Variants in CDH13 observed in about 807,000 individuals in gnomAD.
CDH13 encodes the protein cadherin 13, also known as cadherin-13.
Under a neutral mutation model 63.8 loss-of-function variants are expected in CDH13, and 24 were observed. The observed-to-expected ratio is 0.38, with a 90% CI of 0.27 to 0.53. CDH13 has a LOEUF of 0.53. Among genes scored for constraint, CDH13 ranks in the 20% least tolerant of loss-of-function variants. The pLI is 0.85. For missense variants in CDH13, 1,049 were observed against 903.1 expected (o/e 1.16, Z -2.07); for synonymous variants, 503 against 355.3 (o/e 1.42, Z -4.67).
chr16:83,327,870 C>T (rs546867974), intron 5 of CDH13, among the ~76,000 whole-genome samples: 141 of 152,320 alleles, frequency 9.3e-4, no homozygotes, highest in African/African-American at 3.3e-3. Flanking sequence ...CAGTGGCTTA[C>T]GCCTGTAATC....
intron 1 of CDH13, chr16:82,639,384 A>T (rs750845699): frequency 6.5e-7 from 1 of 1,535,472 alleles, no homozygotes; most frequent in Non-Finnish European, 8.7e-7. Flanking sequence ...CCTGCACTGC[A>T]TGGTTCCCCC....
intron 4 of CDH13, among the ~76,000 whole-genome samples, chr16:83,125,924 C>A (rs982433530): frequency 6.6e-6 from 1 of 152,064 alleles, no homozygotes; most frequent in African/African-American, 2.4e-5. Context: ...AAAAACTAAA[C>A]CAGATCAAGG....
At chr16:83,046,081 C>A (rs188339188) in intron 3 of CDH13, among the ~76,000 whole-genome samples, 1 of 152,154 alleles carries the variant, frequency 6.6e-6, no homozygotes, top group Non-Finnish European at 1.5e-5. Flanking sequence ...TTAAGCAAAG[C>A]CAAGTCTAGT....
intron 3 of CDH13, among the ~76,000 whole-genome samples, chr16:83,091,315 T>C (rs960905487): frequency 1.3e-5 from 2 of 152,228 alleles, no homozygotes; most frequent in East Asian, 1.9e-4. Flanking sequence ...CTACTTTATG[T>C]TGAATTATTT....
At chr16:83,589,278 T>TCCCC (rs61578149) in intron 7 of CDH13, among the ~76,000 whole-genome samples, 32 of 71,336 alleles carry the variant, frequency 4.5e-4, no homozygotes, top group Non-Finnish European at 5.2e-4. Context: ...TTTCTCCCTT[T>TCCCC]CCCCCCCCCG....
intron 3 of CDH13, among the ~76,000 whole-genome samples, chr16:83,120,428 T>C (rs534397514): frequency 4.7e-4 from 72 of 152,176 alleles, no homozygotes; most frequent in Non-Finnish European, 8.1e-4. Context: ...TGACACTCTA[T>C]GCAAGGTTCA....
At chr16:83,469,463 C>T (rs1484181701) in intron 6 of CDH13, among the ~76,000 whole-genome samples, 2 of 152,176 alleles carry the variant, frequency 1.3e-5, no homozygotes, top group Non-Finnish European at 2.9e-5. Flanking sequence ...CATATTGAGG[C>T]TGGCCCCACC....
At position 83,295,306 on chromosome 16, in the gene CDH13, A is replaced by G. The variant is rs1232066506; in HGVS notation, c.637-49556A>G. 3.9e-5 allele frequency among the ~76,000 whole-genome samples: 6 copies of G among 152,206 alleles called. No homozygotes were observed. In the East Asian group the frequency reaches 9.6e-4, roughly 24 times the overall value. On this transcript the variant is annotated intron_variant, in intron 5 of 13. Transcript: ENST00000567109. ...AGAAAACATAGGGAAAAGTTCCATGACATTGGTCTAGGCAAGGATTTTTTG... is the reference window on the plus strand; with the variant it reads ...AGAAAACATAGGGAAAAGTTCCATGGCATTGGTCTAGGCAAGGATTTTTTG...
At chr16:83,375,759 A>C (rs565560132) in intron 6 of CDH13, among the ~76,000 whole-genome samples, 1 of 152,284 alleles carries the variant, frequency 6.6e-6, no homozygotes, top group South Asian at 2.1e-4. Context: ...ATAGCATGAG[A>C]AGCTTGTTGC....
rs34536219 is a variant in CDH13, at chr16:83,077,186, C to CTTTTTTTTTTTTTTTTTTT, written c.366+44974_366+44992dup. 4.6e-3 allele frequency among the ~76,000 whole-genome samples: 274 copies of CTTTTTTTTTTTTTTTTTTT among 59,210 alleles called. 7 individuals are homozygous for CTTTTTTTTTTTTTTTTTTT. Among genetic ancestry groups the CTTTTTTTTTTTTTTTTTTT allele is most frequent in the East Asian group, 5.9e-3 (10 of 1,684 alleles). The allele number at this position is 59,210 out of a possible 152,430, so 38.8% of individuals were successfully genotyped here. ...TCTTTTCTTTTCTTTTTTTTCTTTTCTTTTTTTTTTTTTTTTTTTTTTTTG... is the reference window on the plus strand; with the variant it reads ...TCTTTTCTTTTCTTTTTTTTCTTTTCTTTTTTTTTTTTTTTTTTTTTTTTTTTTTTTTTTTTTTTTTTTG... On this transcript the variant is annotated intron_variant, in intron 3 of 13. Transcript: ENST00000567109.
intron 12 of CDH13, among the ~76,000 whole-genome samples, chr16:83,782,384 C>T (rs1438748087): frequency 6.6e-6 from 1 of 152,088 alleles, no homozygotes; most frequent in African/African-American, 2.4e-5. Flanking sequence ...AAGATCCAGT[C>T]TCTATGTTGC....
intron 1 of CDH13, among the ~76,000 whole-genome samples, chr16:82,749,792 C>T (rs1267849388): frequency 6.6e-6 from 1 of 152,144 alleles, no homozygotes; most frequent in Non-Finnish European, 1.5e-5. Flanking sequence ...TTCTTTGCCT[C>T]CCTCATTTTC....
Position 82,802,612 on chromosome 16 carries a change from A to G in CDH13, c.46-55750A>G, listed in dbSNP as rs1018059991. Among the ~76,000 whole-genome samples the G allele has an allele frequency of 2.7e-4, 41 of 152,168 alleles. 1 individual carries two copies. The highest frequency in any genetic ancestry group is 9.2e-4 in the African/African-American group (38 of 41,450). The stretch of plus-strand genomic sequence containing the variant: ...CCCAGGGTTCATACTCTGGGGCTTC[A>G]TGCCCTTTTCCTATTCTTTGTCTCC... On this transcript the variant is annotated intron_variant, in intron 1 of 13. Coordinates refer to ENST00000567109, the MANE Select transcript of CDH13 (RefSeq NM_001257.5).
chr16:83,586,253 G>A (rs1007844136), intron 7 of CDH13, among the ~76,000 whole-genome samples: 1 of 152,124 alleles, frequency 6.6e-6, no homozygotes, highest in Non-Finnish European at 1.5e-5. Context: ...TTGCACCCAC[G>A]GCTGAGGTTT....
At chr16:83,520,826 GGAT>G (rs910644682) in intron 7 of CDH13, among the ~76,000 whole-genome samples, 1 of 152,086 alleles carries the variant, frequency 6.6e-6, no homozygotes, top group African/African-American at 2.4e-5. Context: ...GACAGGCACA[GGAT>G]CCACCACATG....
intron 1 of CDH13, among the ~76,000 whole-genome samples, chr16:82,779,732 C>G: frequency 6.6e-6 from 1 of 152,244 alleles, no homozygotes; most frequent in Non-Finnish European, 1.5e-5. Context: ...GAATGCAGAG[C>G]TTAAGTGTGT....
chr16:82,869,316 G>A (rs2040263001), intron 2 of CDH13, among the ~76,000 whole-genome samples: 1 of 151,870 alleles, frequency 6.6e-6, no homozygotes, highest in African/African-American at 2.4e-5. Flanking sequence ...AAAGGACTGG[G>A]TTAGGTGTGA....
At chr16:83,673,291 C>A (rs963859977) in intron 9 of CDH13, among the ~76,000 whole-genome samples, 3 of 152,190 alleles carry the variant, frequency 2.0e-5, no homozygotes, top group African/African-American at 7.2e-5. Flanking sequence ...ACATTGCAGT[C>A]AAGAAATCTC....
chr16:82,640,683 G>A (rs1410693576), intron 1 of CDH13, among the ~76,000 whole-genome samples: 3 of 152,138 alleles, frequency 2.0e-5, no homozygotes, highest in East Asian at 1.9e-4. Flanking sequence ...AGAGGCCAGC[G>A]AGGGGAACCA....
Sources: allele counts gnomAD v4.1 joint callset (sites outside exome capture counted in the v4.1 genomes callset), GRCh38; gene constraint gnomAD v4.1.1; transcripts MANE v1.5; gene names NCBI Gene and HGNC (gene_info 2026-07-23, HGNC 2026-07-21).